SNAPC5: variants seen among roughly 807,000 people sequenced by gnomAD.
SNAPC5 encodes the protein snRNA-activating protein complex subunit 5.
SNAPC5 carries 12 observed loss-of-function variants against 9.1 expected under a neutral mutation model. The observed-to-expected ratio is 1.32, with a 90% CI of 0.85 to 2.15. The LOEUF (loss-of-function observed/expected upper bound fraction) is 2.15. Among genes scored for constraint, SNAPC5 ranks in the 30% most tolerant of loss-of-function variants. The pLI is 0.00. For synonymous variants in SNAPC5, 52 were observed against 47.3 expected (o/e 1.10, Z -0.41); for missense variants, 132 against 114.4 (o/e 1.15, Z -0.70).
At position 66,497,654 on chromosome 15, in the gene SNAPC5, C is replaced by G; in HGVS notation, c.78G>C (p.Leu26=). The stretch of plus-strand genomic sequence containing the variant: ...GCCGCGGGGTCACCTTGAGGCGGTT[C>G]AGCTGGTCGTGCAGGGCTGCCTTCA... ...LRLKAALHDQ[L]NRLKVEELAL... is the part of the protein sequence containing the mutation. Residue 26 remains leucine (L), a synonymous_variant, in exon 1 of 3, where the codon CTG becomes CTC. Transcript: ENST00000316634. 1 of 1,614,046 alleles carries G rather than the reference C, an allele frequency of 6.2e-7. No homozygotes were observed. The highest frequency in any genetic ancestry group is 8.5e-7 in the Non-Finnish European group (1 of 1,179,956).
At chr15:66,489,796 CTGTT>C (rs1893182171), downstream of SNAPC5, 1 of 1,564,494 alleles carries the variant, frequency 6.4e-7, no homozygotes, top group Admixed American at 1.7e-5. Context: ...CTTACAGTAC[CTGTT>C]TATTCATTTG....
downstream of SNAPC5, chr15:66,491,203 TG>T (rs1205082681): frequency 7.3e-5 from 19 of 260,918 alleles, no homozygotes; most frequent in Non-Finnish European, 1.3e-4. Flanking sequence ...CCATGATAGC[TG>T]GGGCTTCACC....
chr15:66,489,960 A>G, downstream of SNAPC5: 1 of 650,526 alleles, frequency 1.5e-6, no homozygotes, highest in Non-Finnish European at 2.8e-6. Flanking sequence ...TGACCCCCGC[A>G]GCCTGAGTAA....
chr15:66,490,144 AT>A, downstream of SNAPC5: 1 of 510,046 alleles, frequency 2.0e-6, no homozygotes, highest in Non-Finnish European at 3.6e-6. Flanking sequence ...TAGCTAAGTA[AT>A]ACTGTAAATA....
chr15:66,491,297 T>TA (rs1448853388), downstream of SNAPC5: 1 of 234,610 alleles, frequency 4.3e-6, no homozygotes, highest in East Asian at 6.1e-5. Context: ...TACTTAGTGG[T>TA]ATGTCTCTTT....
downstream of SNAPC5, chr15:66,490,367 T>G: frequency 1.3e-6 from 1 of 764,750 alleles, no homozygotes; most frequent in South Asian, 1.4e-5. Context: ...CCACTGTTGC[T>G]CAGGGGCAGG....
At chr15:66,496,713 G>A (rs999449462) in intron 1 of SNAPC5, among the ~76,000 whole-genome samples, 4 of 151,872 alleles carry the variant, frequency 2.6e-5, no homozygotes, top group African/African-American at 7.3e-5. Flanking sequence ...TTGTAAGGCC[G>A]GCCGCAGTGG....
chr15:66,490,190 A>G, downstream of SNAPC5: 3 of 534,310 alleles, frequency 5.6e-6, no homozygotes, highest in East Asian at 3.4e-5. Flanking sequence ...ATAGTATATA[A>G]TATGCACTAA....
At chr15:66,496,126 C>T (rs986113175) in intron 1 of SNAPC5, among the ~76,000 whole-genome samples, 15 of 151,724 alleles carry the variant, frequency 9.9e-5, no homozygotes, top group Non-Finnish European at 2.1e-4. Flanking sequence ...AATACTTTTC[C>T]TTTTACAAAG....
intron 1 of SNAPC5, 121 bp downstream of exon 1, chr15:66,497,521 A>G: frequency 1.1e-6 from 1 of 875,556 alleles, no homozygotes; most frequent in Non-Finnish European, 2.0e-6. Context: ...AATTGGCGCC[A>G]CCACAGCTAG....
At chr15:66,490,436 C>T (rs1175301363), downstream of SNAPC5, 1 of 1,191,190 alleles carries the variant, frequency 8.4e-7, no homozygotes, top group Non-Finnish European at 1.3e-6. Context: ...TTGGATTTTC[C>T]TTCCTGGTGG....
In SNAPC5 at chr15:66,494,220, C is replaced by T. The variant is rs1893349376; in HGVS notation, c.*216G>A. ...ACAGCACCACCCATATTACTCAATG[C>T]TAAGACACAGCATCTTTGATTTTCT... On this transcript the variant is annotated 3_prime_UTR_variant, in exon 3 of 3. Transcript: ENST00000316634. 6 of 584,222 alleles carry T rather than the reference C, an allele frequency of 1.0e-5. No individual in the cohort carries two copies. The highest frequency in any genetic ancestry group is 1.9e-5 in the African/African-American group (1 of 54,008). The allele number at this position is 584,222 out of a possible 1,614,324, so 36.2% of individuals were successfully genotyped here. A position where few individuals can be genotyped will look rare whatever the true frequency, so the allele number is the denominator to read the frequency against.
downstream of SNAPC5, chr15:66,490,913 G>C (rs1427903583): frequency 2.0e-6 from 1 of 491,786 alleles, no homozygotes; most frequent in Non-Finnish European, 3.7e-6. Flanking sequence ...AATGTGGGTA[G>C]TCATTCTTAC....
Position 66,495,049 on chromosome 15 carries a change from C to T in SNAPC5, c.180+281G>A, listed in dbSNP as rs916019042. Reference sequence around the variant, plus strand: ...TTTTGACATCGTCCTACAAAAATCTCCACTCTCCCCCGGGTTCATCTGAGT... The same window carrying T: ...TTTTGACATCGTCCTACAAAAATCTTCACTCTCCCCCGGGTTCATCTGAGT... On this transcript the variant is annotated intron_variant, in intron 2 of 2. Transcript: ENST00000316634. The T allele has an allele frequency of 1.1e-4, 48 of 444,696 alleles. 3 individuals carry two copies. In the South Asian group the frequency reaches 1.2e-3, roughly 11 times the overall value. The allele number at this position is 444,696 out of a possible 1,614,324, so 27.5% of individuals were successfully genotyped here.
chr15:66,494,367 TTGA>T lies in SNAPC5; in HGVS notation c.*66_*68del. On this transcript the variant is annotated 3_prime_UTR_variant, in exon 3 of 3. Coordinates refer to ENST00000316634, the MANE Select transcript of SNAPC5 (RefSeq NM_001329615.2). ...CAGGGCCCAGGGCAAGATGATTTCCTTGAGGAGAAGTAGCCTGAGCCTTAGAAA... is the reference window on the plus strand; with the variant it reads ...CAGGGCCCAGGGCAAGATGATTTCCTGGAGAAGTAGCCTGAGCCTTAGAAA... The T allele has an allele frequency of 9.6e-7, 1 of 1,042,156 alleles. No individual in the cohort carries two copies. The highest frequency in any genetic ancestry group is 1.5e-6 in the Non-Finnish European group (1 of 679,942). 64.6% of individuals were successfully genotyped at this position (1,042,156 alleles called of 1,614,324 possible).
At position 66,497,433 on chromosome 15, in the gene SNAPC5, AT is replaced by A. The variant is rs979137809; in HGVS notation, c.90+208del. 3 of 613,058 alleles carry A rather than the reference AT, an allele frequency of 4.9e-6. No homozygotes were observed. The African/African-American group carries it at 5.5e-5, about 11-fold the overall frequency. 38.0% of individuals were successfully genotyped at this position (613,058 alleles called of 1,614,324 possible). Reference sequence around the variant, plus strand: ...CTCACCCTAGACTTGCGAGGTCACGATTCTGAAAGATAGGGCCTAAGAAGCG... The same window carrying A: ...CTCACCCTAGACTTGCGAGGTCACGATCTGAAAGATAGGGCCTAAGAAGCG... On this transcript the variant is annotated intron_variant, in intron 1 of 2. Transcript: ENST00000316634.
In SNAPC5 at chr15:66,497,738, T is replaced by G; in HGVS notation, c.-7A>C. 1.9e-6 allele frequency: 3 copies of G among 1,607,866 alleles called. No individual in the cohort carries two copies. Among genetic ancestry groups the G allele is most frequent in the South Asian group, 1.1e-5 (1 of 90,854 alleles). On this transcript the variant is annotated 5_prime_UTR_variant, in exon 1 of 3. Transcript: ENST00000316634. ...CCTGAAGCCGGCTCAGCATGTTGCC[T>G]GGTCACATAGCCAACCTCCGGGCTG...
At chr15:66,492,781 C>T (rs1893298384), downstream of SNAPC5, among the ~76,000 whole-genome samples, 1 of 152,004 alleles carries the variant, frequency 6.6e-6, no homozygotes. Flanking sequence ...TACTGAGATA[C>T]CAATGATAGT....
Position 66,495,423 on chromosome 15 carries a change from G to C in SNAPC5, c.91-4C>G. 1 of 1,553,338 alleles carries C rather than the reference G, an allele frequency of 6.4e-7. No individual in the cohort carries two copies. The highest frequency in any genetic ancestry group is 1.7e-5 in the Admixed American group (1 of 59,954). On this transcript the variant is annotated splice_polypyrimidine_tract_variant and splice_region_variant and intron_variant, in intron 1 of 2. Coordinates refer to ENST00000316634, the MANE Select transcript of SNAPC5 (RefSeq NM_001329615.2). ...ATTGGAGGGCTAATTCTTCAACCTA[G>C]AAAAGAAGAGTTGAGGACACTTTTC...
Sources: gnomAD v4.1 joint callset for allele counts (sites outside exome capture counted in the v4.1 genomes callset) on GRCh38, gnomAD v4.1.1 for gene constraint, MANE v1.5 for transcripts, NCBI Gene and HGNC (gene_info 2026-07-23, HGNC 2026-07-21) for gene names.